The following VSTM4 variants were observed in gnomAD, a reference collection of about 807,000 sequenced individuals.
VSTM4 encodes V-set and transmembrane domain-containing protein 4.
In VSTM4, 20 loss-of-function variants were observed where a neutral mutation model predicts 36.4. The ratio of observed to expected loss-of-function variants is 0.55; its 90% CI spans 0.39 to 0.80. VSTM4 has a LOEUF of 0.80. VSTM4 is among the 30% of genes least tolerant of loss of function. The probability of loss-of-function intolerance (pLI) is 0.00; values close to 1 mark genes in which losing one functional copy is unlikely to be tolerated. For missense variants in VSTM4, 392 were observed against 404.5 expected (o/e 0.97, Z 0.26); for synonymous variants, 182 against 173.9 (o/e 1.05, Z -0.37).
chr10:49,112,665 C>T (rs528988089), intron 1 of VSTM4, among the ~76,000 whole-genome samples: 6 of 152,304 alleles, frequency 3.9e-5, no homozygotes, highest in African/African-American at 9.6e-5. Context: ...ACACAGGACC[C>T]CATGGTTGGA....
chr10:49,061,537 G>T (rs1411849107), intron 5 of VSTM4, among the ~76,000 whole-genome samples: 1 of 152,054 alleles, frequency 6.6e-6, no homozygotes. Flanking sequence ...TGTTCTTTCA[G>T]TTTTTGATGT....
intron 2 of VSTM4, among the ~76,000 whole-genome samples, chr10:49,099,052 C>G (rs1422584743): frequency 1.3e-5 from 2 of 152,196 alleles, no homozygotes; most frequent in Non-Finnish European, 2.9e-5. Context: ...TCACATTTGC[C>G]TCTCTTCTCT....
intron 3 of VSTM4, among the ~76,000 whole-genome samples, chr10:49,085,363 C>T (rs1052047359): frequency 1.3e-5 from 2 of 152,194 alleles, no homozygotes; most frequent in East Asian, 1.9e-4. Flanking sequence ...CTTAACATTC[C>T]ATGAGTGATT....
At chr10:49,115,130 C>T (rs1844968844) in intron 1 of VSTM4, among the ~76,000 whole-genome samples, 2 of 152,220 alleles carry the variant, frequency 1.3e-5, no homozygotes, top group South Asian at 4.1e-4. Context: ...GCTCCTGCTG[C>T]ATCTCCCCTC....
chr10:49,063,409 A>C (rs1439217764), intron 5 of VSTM4, among the ~76,000 whole-genome samples: 1 of 151,890 alleles, frequency 6.6e-6, no homozygotes, highest in Non-Finnish European at 1.5e-5. Context: ...TGTTGATCTG[A>C]TCTATTATCT....
chr10:49,072,397 G>C (rs1844095146), intron 4 of VSTM4, among the ~76,000 whole-genome samples: 1 of 152,166 alleles, frequency 6.6e-6, no homozygotes, highest in Non-Finnish European at 1.5e-5. Context: ...CCCACAGGTG[G>C]TCGCAGTTAT....
At chr10:49,112,269 C>A (rs1408588696) in intron 1 of VSTM4, among the ~76,000 whole-genome samples, 1 of 152,254 alleles carries the variant, frequency 6.6e-6, no homozygotes, top group African/African-American at 2.4e-5. Context: ...CAAGCACATG[C>A]TCTGGGACTT....
At chr10:49,083,998 A>C (rs1844326229) in intron 3 of VSTM4, among the ~76,000 whole-genome samples, 1 of 152,194 alleles carries the variant, frequency 6.6e-6, no homozygotes, top group Non-Finnish European at 1.5e-5. Flanking sequence ...TCACATCCCT[A>C]GTGATCTACC....
chr10:49,022,256 T>A (rs1489773180), intron 7 of VSTM4, among the ~76,000 whole-genome samples: 1 of 152,110 alleles, frequency 6.6e-6, no homozygotes, highest in East Asian at 1.9e-4. Flanking sequence ...AGACTTAGGG[T>A]TTTTTGGTTT....
chr10:49,081,511 A>G (rs970427880), intron 3 of VSTM4, among the ~76,000 whole-genome samples: 8 of 152,254 alleles, frequency 5.3e-5, no homozygotes, highest in Non-Finnish European at 1.2e-4. Context: ...GAACCGCAGT[A>G]GGCATCTCTC....
intron 7 of VSTM4, among the ~76,000 whole-genome samples, chr10:49,026,582 G>A (rs959128417): frequency 3.9e-5 from 6 of 152,202 alleles, no homozygotes; most frequent in Non-Finnish European, 7.3e-5. Context: ...ATGTTGGGAG[G>A]TGGTGGCGTT....
At position 49,040,952 on chromosome 10, in the gene VSTM4, T is replaced by G. The variant is rs577115318; in HGVS notation, c.837+6031A>C. Among the ~76,000 whole-genome samples the G allele has an allele frequency of 6.6e-5, 10 of 152,304 alleles. No homozygotes were observed. In the South Asian group the frequency reaches 2.1e-3, roughly 32 times the overall value. On this transcript the variant is annotated intron_variant, in intron 7 of 7. Coordinates refer to ENST00000332853, the MANE Select transcript of VSTM4 (RefSeq NM_001031746.5). ...CTGTGTTACAGAGATTGGGGCAACA[T>G]GGAACCATTACAAAATTAGACACCT...
At position 49,107,870 on chromosome 10, in the gene VSTM4, G is replaced by A. The variant is rs780431256; in HGVS notation, c.181C>T (p.Arg61Cys). 6.8e-6 allele frequency: 11 copies of A among 1,614,206 alleles called. No homozygotes were observed. The highest frequency in any genetic ancestry group is 2.2e-5 in the East Asian group (1 of 44,880). ...KRRKDSLLAV[R>C]WFFAHSFDSQ... ...TCGAAGGAGTGTGCAAAGAACCAGC[G>A]CACGGCCAGCAAGCTGTCCTTCCGC... The change falls in exon 2 of 8, where the codon CGC becomes TGC. Residue 61 changes from arginine to cysteine, a missense_variant. By Grantham distance (180) the Arg-to-Cys change is radical (BLOSUM62 -3). Coordinates refer to ENST00000332853, the MANE Select transcript of VSTM4 (RefSeq NM_001031746.5).
At chr10:49,087,667 A>G (rs1002565241) in intron 2 of VSTM4, among the ~76,000 whole-genome samples, 1 of 152,094 alleles carries the variant, frequency 6.6e-6, no homozygotes, top group African/African-American at 2.4e-5. Context: ...CCCAATTTTT[A>G]TCTCACTGTT....
chr10:49,066,384 T>C (rs903027265), intron 4 of VSTM4, among the ~76,000 whole-genome samples: 4 of 152,360 alleles, frequency 2.6e-5, no homozygotes, highest in African/African-American at 9.6e-5. Flanking sequence ...AATACTTTGC[T>C]TTCAACAAGG....
chr10:49,019,570 G>T lies in VSTM4; in HGVS notation c.*80C>A. On this transcript the variant is annotated 3_prime_UTR_variant, in exon 8 of 8. Coordinates refer to ENST00000332853, the MANE Select transcript of VSTM4 (RefSeq NM_001031746.5). ...CTCAGAAGGCATGAGTGAAAATACA[G>T]ACATAAGGGCTTTGTCTCCAAGGCT... is the stretch of plus-strand genomic sequence containing the variant. 1 of 1,492,748 alleles carries T rather than the reference G, an allele frequency of 6.7e-7. No homozygotes were observed. 92.5% of individuals were successfully genotyped at this position (1,492,748 alleles called of 1,614,324 possible).
intron 7 of VSTM4, among the ~76,000 whole-genome samples, chr10:49,022,301 TA>T (rs981845187): frequency 6.6e-6 from 1 of 152,144 alleles, no homozygotes; most frequent in African/African-American, 2.4e-5. Context: ...ATGGACTTTT[TA>T]AAAAAAGTTT....
At position 49,099,342 on chromosome 10, in the gene VSTM4, G is replaced by C. The variant is rs1349589263; in HGVS notation, c.457+8252C>G. 2.6e-5 allele frequency among the ~76,000 whole-genome samples: 4 copies of C among 152,330 alleles called. No homozygotes were observed. The East Asian group carries it at 7.7e-4, about 29-fold the overall frequency. On this transcript the variant is annotated intron_variant, in intron 2 of 7. Transcript: ENST00000332853. ...ATTTGTTTTCCCCACATGTATTGCT[G>C]TGCTGTTTTTCAAATTGAATTTCAT...
intron 2 of VSTM4, among the ~76,000 whole-genome samples, chr10:49,088,996 T>A (rs751110367): frequency 3.2e-4 from 48 of 152,374 alleles, no homozygotes; most frequent in Non-Finnish European, 6.8e-4. Flanking sequence ...AATCAGAATC[T>A]GCTTTCAAGC....
Sources: allele counts gnomAD v4.1 joint callset (sites outside exome capture counted in the v4.1 genomes callset), GRCh38; gene constraint gnomAD v4.1.1; transcripts MANE v1.5; gene names NCBI Gene and HGNC (gene_info 2026-07-23, HGNC 2026-07-21).